PGCKA1: variants seen among roughly 807,000 people sequenced by gnomAD.
PGCKA1 encodes the protein PDCD10 and GCKIII kinases associated 1, also known as PDCD10 and GCKIII kinases-associated protein 1.
the PGCKA1 span, among the ~76,000 whole-genome samples, chr4:37,471,326 C>G: frequency 7.2e-6 from 1 of 139,164 alleles, no homozygotes; most frequent in Non-Finnish European, 1.6e-5. Context: ...CTATTTGTTA[C>G]AAAAAATATT....
At chr4:37,476,971 A>G in the PGCKA1 span, among the ~76,000 whole-genome samples, 119 of 152,322 alleles carry the variant, frequency 7.8e-4, no homozygotes, top group African/African-American at 2.7e-3. Context: ...TGGTGCATCC[A>G]TGTTGGGAAA....
At chr4:37,458,941 T>C in the PGCKA1 span, among the ~76,000 whole-genome samples, 1 of 152,184 alleles carries the variant, frequency 6.6e-6, no homozygotes, top group Non-Finnish European at 1.5e-5. Flanking sequence ...AATTCCTATT[T>C]TACAGGTGAA....
At chr4:37,455,270 C>A in the PGCKA1 span, among the ~76,000 whole-genome samples, 1 of 152,176 alleles carries the variant, frequency 6.6e-6, no homozygotes, top group African/African-American at 2.4e-5. Flanking sequence ...TCATAGACCA[C>A]CTTACTGGTC....
At chr4:37,590,520 C>A in the PGCKA1 span, 1 of 1,614,082 alleles carries the variant, frequency 6.2e-7, no homozygotes. Context: ...CAGAAGGGAC[C>A]CAAGTCATGA....
chr4:37,466,170 G>A, the PGCKA1 span, among the ~76,000 whole-genome samples: 92 of 152,314 alleles, frequency 6.0e-4, no homozygotes, highest in South Asian at 2.1e-3. Flanking sequence ...AGTCCTTTGT[G>A]TTGAGTGGAA....
chr4:37,541,661 G>A, the PGCKA1 span, among the ~76,000 whole-genome samples: 3 of 152,184 alleles, frequency 2.0e-5, no homozygotes, highest in South Asian at 2.1e-4. Context: ...GTGAAGGAAC[G>A]AAGGAACAGA....
chr4:37,568,294 A>AT, the PGCKA1 span, among the ~76,000 whole-genome samples: 10 of 152,106 alleles, frequency 6.6e-5, no homozygotes, highest in African/African-American at 1.4e-4. Flanking sequence ...CTGGGAACTT[A>AT]TTTTTTTACA....
At chr4:37,545,892 A>C in the PGCKA1 span, among the ~76,000 whole-genome samples, 309 of 152,370 alleles carry the variant, frequency 2.0e-3, 2 homozygotes, top group African/African-American at 7.1e-3. Context: ...CTTCCATGGA[A>C]ATCTGGAACT....
the PGCKA1 span, among the ~76,000 whole-genome samples, chr4:37,544,592 A>G: frequency 6.9e-6 from 1 of 144,554 alleles, no homozygotes; most frequent in Non-Finnish European, 1.5e-5. Context: ...TTTCTTCTAG[A>G]TTCTCTGTTG....
chr4:37,589,039 T>A, the PGCKA1 span: 1 of 617,230 alleles, frequency 1.6e-6, no homozygotes, highest in Non-Finnish European at 2.9e-6. Flanking sequence ...GAGTTTGGAA[T>A]TGTTATAATA....
the PGCKA1 span, among the ~76,000 whole-genome samples, chr4:37,459,710 C>T: frequency 6.6e-6 from 1 of 151,552 alleles, no homozygotes; most frequent in African/African-American, 2.4e-5. Context: ...GATTGCATAA[C>T]CACAGTAAAT....
At chr4:37,564,981 CACAG>C in the PGCKA1 span, among the ~76,000 whole-genome samples, 1 of 147,662 alleles carries the variant, frequency 6.8e-6, no homozygotes, top group South Asian at 2.1e-4. Flanking sequence ...CACACACACA[CACAG>C]ACACACACAC....
the PGCKA1 span, among the ~76,000 whole-genome samples, chr4:37,515,762 TA>T: frequency 6.6e-6 from 1 of 152,138 alleles, no homozygotes; most frequent in Non-Finnish European, 1.5e-5. Context: ...TTTAAGAAAA[TA>T]AATACAGGGA....
chr4:37,519,861 A>G, the PGCKA1 span, among the ~76,000 whole-genome samples: 1 of 152,140 alleles, frequency 6.6e-6, no homozygotes, highest in Middle Eastern at 3.2e-3. Context: ...AAAGGCTTTC[A>G]CTTTTCGCCA....
At chr4:37,568,303 C>T in the PGCKA1 span, among the ~76,000 whole-genome samples, 2 of 152,154 alleles carry the variant, frequency 1.3e-5, no homozygotes, top group Admixed American at 6.5e-5. Context: ...TATTTTTTTA[C>T]ATAGTTTTCT....
chr4:37,512,797 T>C, the PGCKA1 span, among the ~76,000 whole-genome samples: 3 of 151,778 alleles, frequency 2.0e-5, no homozygotes, highest in Non-Finnish European at 2.9e-5. Flanking sequence ...TACAAATAAA[T>C]CTCATTTCCT....
At chr4:37,504,161 T>C in the PGCKA1 span, among the ~76,000 whole-genome samples, 1 of 152,212 alleles carries the variant, frequency 6.6e-6, no homozygotes, top group Admixed American at 6.5e-5. Context: ...TTCTTTTGCA[T>C]ATGGCTATCC....
the PGCKA1 span, among the ~76,000 whole-genome samples, chr4:37,467,462 G>A: frequency 6.6e-6 from 1 of 152,260 alleles, no homozygotes; most frequent in East Asian, 1.9e-4. Flanking sequence ...AGAATCTTCT[G>A]ATCCTCTGTC....
the PGCKA1 span, among the ~76,000 whole-genome samples, chr4:37,567,563 C>T: frequency 5.3e-4 from 80 of 152,314 alleles, no homozygotes; most frequent in African/African-American, 1.8e-3. Context: ...CTAAGTCACT[C>T]GCTTAACCAC....
Sources: gnomAD v4.1 joint callset for allele counts (sites outside exome capture counted in the v4.1 genomes callset) on GRCh38, gnomAD v4.1.1 for gene constraint, MANE v1.5 for transcripts, NCBI Gene and HGNC (gene_info 2026-07-23, HGNC 2026-07-21) for gene names.